Variants in SNX30 observed in about 807,000 individuals in gnomAD.
SNX30 encodes sorting nexin family member 30.
A neutral mutation model predicts 46.4 loss-of-function variants in SNX30; 24 were observed. That is an observed-to-expected ratio of 0.52 (90% confidence interval 0.37 to 0.73). The LOEUF (loss-of-function observed/expected upper bound fraction) is 0.73, where lower values mean the gene tolerates loss of function less well. SNX30 is among the 30% of genes least tolerant of loss of function. The pLI, the probability that SNX30 is intolerant of heterozygous loss-of-function variation, is 0.00. For synonymous variants in SNX30, 189 were observed against 211.5 expected (o/e 0.89, Z 0.92); for missense variants, 533 against 555.7 (o/e 0.96, Z 0.41).
intron 3 of SNX30, among the ~76,000 whole-genome samples, chr9:112,827,844 G>A (rs372713496): frequency 1.3e-5 from 2 of 152,166 alleles, no homozygotes; most frequent in Non-Finnish European, 2.9e-5. Flanking sequence ...ACCACTTACC[G>A]TATTAAAGGA....
chr9:112,856,557 T>A (rs1409927912), intron 7 of SNX30, among the ~76,000 whole-genome samples: 1 of 151,778 alleles, frequency 6.6e-6, no homozygotes, highest in African/African-American at 2.4e-5. Flanking sequence ...CTGTTCCCCC[T>A]CTGGTTGAGA....
chr9:112,865,933 A>C (rs548770149), intron 8 of SNX30, among the ~76,000 whole-genome samples: 2 of 151,898 alleles, frequency 1.3e-5, no homozygotes, highest in South Asian at 4.2e-4. Flanking sequence ...CAACTATGTC[A>C]AATGTCTCTG....
chr9:112,754,445 C>T (rs1248791554), intron 1 of SNX30, among the ~76,000 whole-genome samples: 2 of 131,030 alleles, frequency 1.5e-5, no homozygotes, highest in African/African-American at 5.9e-5. Context: ...GAGTCTCACT[C>T]TGTTGCCTAG....
intron 3 of SNX30, among the ~76,000 whole-genome samples, chr9:112,828,324 C>T (rs981523794): frequency 1.3e-5 from 2 of 151,816 alleles, no homozygotes; most frequent in African/African-American, 2.4e-5. Context: ...CAATTGTCTA[C>T]AGTAGTCAGC....
chr9:112,775,375 G>A (rs1017604496), intron 1 of SNX30, among the ~76,000 whole-genome samples: 1 of 150,796 alleles, frequency 6.6e-6, no homozygotes, highest in East Asian at 2.0e-4. Context: ...GGCTGGTCTC[G>A]ACCTCCCGAC....
intron 1 of SNX30, among the ~76,000 whole-genome samples, chr9:112,763,207 G>C (rs1374722963): frequency 3.3e-5 from 5 of 151,750 alleles, no homozygotes. Flanking sequence ...TTGCTCTGTT[G>C]CCCAGGCTGG....
intron 4 of SNX30, among the ~76,000 whole-genome samples, chr9:112,832,111 C>G (rs1164883995): frequency 6.6e-6 from 1 of 152,134 alleles, no homozygotes; most frequent in Non-Finnish European, 1.5e-5. Context: ...TTTTTATAAC[C>G]TCAGTTGGCA....
chr9:112,821,270 T>C (rs1437604952), intron 3 of SNX30, among the ~76,000 whole-genome samples: 1 of 152,204 alleles, frequency 6.6e-6, no homozygotes, highest in Admixed American at 6.5e-5. Context: ...CCTAATGATG[T>C]TGAGCATCTT....
chr9:112,859,163 G>A (rs184566536), intron 7 of SNX30, among the ~76,000 whole-genome samples: 1 of 151,716 alleles, frequency 6.6e-6, no homozygotes, highest in Non-Finnish European at 1.5e-5. Context: ...TAGATACCTC[G>A]TATCTAGAAT....
chr9:112,752,447 T>C (rs1262192966), intron 1 of SNX30, among the ~76,000 whole-genome samples: 1 of 151,790 alleles, frequency 6.6e-6, no homozygotes, highest in Non-Finnish European at 1.5e-5. Flanking sequence ...GAGACCCCGT[T>C]TCCACATACG....
At chr9:112,825,600 A>G (rs530137209) in intron 3 of SNX30, among the ~76,000 whole-genome samples, 30 of 151,722 alleles carry the variant, frequency 2.0e-4, no homozygotes, top group African/African-American at 6.3e-4. Flanking sequence ...GCTTCCCCCA[A>G]TCGATTTTTT....
chr9:112,866,610 C>T (rs1841348450), intron 8 of SNX30: 3 of 459,246 alleles, frequency 6.5e-6, no homozygotes, highest in African/African-American at 6.1e-5. Context: ...TCAGAGTCAC[C>T]AAGGAGGAAT....
At chr9:112,755,098 A>G (rs1305461292) in intron 1 of SNX30, among the ~76,000 whole-genome samples, 1 of 152,178 alleles carries the variant, frequency 6.6e-6, no homozygotes, top group Non-Finnish European at 1.5e-5. Context: ...AACTTGAATA[A>G]ATTAGCTGAA....
At chr9:112,770,075 C>T (rs573856803) in intron 1 of SNX30, among the ~76,000 whole-genome samples, 1 of 152,112 alleles carries the variant, frequency 6.6e-6, no homozygotes, top group Admixed American at 6.5e-5. Context: ...TTCCACCTTC[C>T]CACCTTCAGT....
chr9:112,865,749 G>T (rs551975065), intron 8 of SNX30, among the ~76,000 whole-genome samples: 165 of 147,126 alleles, frequency 1.1e-3, no homozygotes, highest in Middle Eastern at 3.6e-3. Flanking sequence ...GAGTGAGTGT[G>T]TGTGTGTGTG....
chr9:112,821,928 C>T (rs1840505082), intron 3 of SNX30, among the ~76,000 whole-genome samples: 1 of 152,128 alleles, frequency 6.6e-6, no homozygotes, highest in African/African-American at 2.4e-5. Flanking sequence ...AGGTATGTGT[C>T]ACCATGCCTG....
In SNX30 at chr9:112,804,949, C is replaced by G. The variant is rs1476310837; in HGVS notation, c.330C>G (p.Thr110=). ...KHVCTMETYI[T]YRITTKSTRV... ...TGTGTACAATGGAGACTTACATCACCTATAGGATCACCACCAAAGTAGGTC... is the reference window on the plus strand; with the variant it reads ...TGTGTACAATGGAGACTTACATCACGTATAGGATCACCACCAAAGTAGGTC... The change falls in exon 2 of 9, where the codon ACC becomes ACG. Residue 110 remains threonine (T), a synonymous_variant. Transcript: ENST00000374232. The G allele has an allele frequency of 6.2e-7, 1 of 1,600,520 alleles. No homozygotes were observed. The highest frequency in any genetic ancestry group is 1.3e-5 in the African/African-American group (1 of 74,558).
intron 6 of SNX30, among the ~76,000 whole-genome samples, chr9:112,847,098 G>T (rs1009294301): frequency 6.6e-6 from 1 of 152,170 alleles, no homozygotes; most frequent in Non-Finnish European, 1.5e-5. Flanking sequence ...AGTATTTCGT[G>T]GATGACATAA....
At chr9:112,825,066 G>A (rs1004044138) in intron 3 of SNX30, among the ~76,000 whole-genome samples, 1 of 152,156 alleles carries the variant, frequency 6.6e-6, no homozygotes, top group East Asian at 1.9e-4. Flanking sequence ...CTAAGATTTT[G>A]TTTGAGCACT....
Sources: gnomAD v4.1 joint callset for allele counts (sites outside exome capture counted in the v4.1 genomes callset) on GRCh38, gnomAD v4.1.1 for gene constraint, MANE v1.5 for transcripts, NCBI Gene and HGNC (gene_info 2026-07-23, HGNC 2026-07-21) for gene names.